SLU7: variants seen among roughly 807,000 people sequenced by gnomAD.
SLU7 encodes the protein spliceosome associated SLU7, also known as pre-mRNA-splicing factor SLU7.
A neutral mutation model predicts 87.0 loss-of-function variants in SLU7; 60 were observed. The ratio of observed to expected loss-of-function variants is 0.69; its 90% confidence interval spans 0.56 to 0.86. The LOEUF (loss-of-function observed/expected upper bound fraction) is 0.86, where lower values mean the gene tolerates loss of function less well. Among genes scored for constraint, SLU7 ranks in the 40% least tolerant of loss-of-function variants. The pLI, the probability that SLU7 is intolerant of heterozygous loss-of-function variation, is 0.00. For synonymous variants in SLU7, 197 were observed against 222.0 expected, an observed-to-expected ratio of 0.89 and a Z score of 1.00; for missense variants, 507 against 686.6, an observed-to-expected ratio of 0.74 and a Z score of 2.92.
At chr5:160,404,983 G>A in intron 13 of SLU7, 48 bp downstream of exon 13, 1 of 1,544,150 alleles carries the variant, frequency 6.5e-7, no homozygotes, top group Non-Finnish European at 9.0e-7. Context: ...GTTTGACTTA[G>A]GAGCTTCGGT....
Position 160,415,155 on chromosome 5 carries a change from T to C in SLU7, c.140A>G (p.Asn47Ser). 6.2e-7 allele frequency: 1 copy of C among 1,609,500 alleles called. No individual in the cohort carries two copies. The highest frequency in any genetic ancestry group is 8.5e-7 in the Non-Finnish European group (1 of 1,178,256). Residue 47 changes from asparagine (N) to serine (S), a missense_variant, in exon 2 of 16, where the codon AAT becomes AGT. By Grantham distance (46) the Asn-to-Ser change is conservative. This residue lies in a region of SLU7 where 26 missense variants were observed against 78.9 expected (regional missense o/e 0.33). Transcript: ENST00000297151. ...KELEEQRKLG[N>S]APAEVDEEGK... ...TTCTTCATCAACTTCTGCAGGAGCATTGCCCAATTTTCGCTGTTCTTCTAG... is the reference window on the plus strand; with the variant it reads ...TTCTTCATCAACTTCTGCAGGAGCACTGCCCAATTTTCGCTGTTCTTCTAG...
At chr5:160,412,316 G>C (rs982256544) in intron 6 of SLU7, 135 bp downstream of exon 6, 1 of 616,646 alleles carries the variant, frequency 1.6e-6, no homozygotes, top group Non-Finnish European at 2.8e-6. Context: ...TGTATACAAA[G>C]TATCAGTTTT....
chr5:160,411,469 T>C (rs1393971839), intron 6 of SLU7, among the ~76,000 whole-genome samples: 1 of 152,202 alleles, frequency 6.6e-6, no homozygotes, highest in African/African-American at 2.4e-5. Flanking sequence ...TCCACCTGCC[T>C]CGGCCTCCCA....
intron 15 of SLU7, 36 bp downstream of exon 15, chr5:160,404,404 A>C (rs978489500): frequency 1.4e-5 from 17 of 1,246,926 alleles, no homozygotes; most frequent in Admixed American, 1.9e-5. Flanking sequence ...GAATACTGCT[A>C]CTTGTCACTT....
chr5:160,413,006 C>G (rs1308671571), intron 5 of SLU7, among the ~76,000 whole-genome samples: 1 of 151,922 alleles, frequency 6.6e-6, no homozygotes, highest in African/African-American at 2.4e-5. Context: ...CAAATCATAA[C>G]AGTAAAAACT....
At position 160,405,212 on chromosome 5, in the gene SLU7, A is replaced by G. The variant is rs57250755; in HGVS notation, c.1288-77T>C. On this transcript the variant is annotated intron_variant, in intron 12 of 15. Coordinates refer to ENST00000297151, the MANE Select transcript of SLU7 (RefSeq NM_006425.5). ...TCTGTATACTGTTGATAAGAGTATA[A>G]AATAATACAGCCCATTAAAGGTAAT... The G allele has an allele frequency of 5.1e-3, 5,017 of 984,022 alleles. 134 individuals are homozygous for G. In the African/African-American group the frequency reaches 0.069, roughly 13 times the overall value. 61.0% of individuals were successfully genotyped at this position (984,022 alleles called of 1,614,324 possible).
chr5:160,413,931 C>T lies in SLU7; in HGVS notation c.373G>A (p.Ala125Thr). 6.2e-7 allele frequency: 1 copy of T among 1,601,934 alleles called. No homozygotes were observed. Among genetic ancestry groups the T allele is most frequent in the Non-Finnish European group, 8.5e-7 (1 of 1,175,442 alleles). The change falls in exon 4 of 16, where the codon GCC becomes ACC. Residue 125 changes from alanine (A) to threonine (T), a missense_variant. By Grantham distance (58) the Ala-to-Thr change is moderately conservative (BLOSUM62 0). This residue lies in a region of SLU7 where 155 missense variants were observed against 154.4 expected (regional missense o/e 1.00). Coordinates refer to ENST00000297151, the MANE Select transcript of SLU7 (RefSeq NM_006425.5). ...YRKGACENCG[A>T]MTHKKKDCFE... The stretch of plus-strand genomic sequence containing the variant: ...CAGTCTTTCTTTTTGTGTGTCATGG[C>T]CCCACAATTTTCACATGCTCCTTTG...
At chr5:160,408,576 T>G in intron 7 of SLU7, 74 bp downstream of exon 7, 1 of 1,383,558 alleles carries the variant, frequency 7.2e-7, no homozygotes, top group Non-Finnish European at 1.0e-6. Flanking sequence ...AAAGCTATTA[T>G]TAGTGTTATT....
At position 160,406,472 on chromosome 5, in the gene SLU7, T is replaced by G; in HGVS notation, c.1283A>C (p.His428Pro). The change falls in exon 12 of 16, where the codon CAC becomes CCC. Residue 428 changes from histidine (H) to proline (P), a missense_variant. Around this residue, in one of 6 missense-constraint regions of SLU7, gnomAD observed 201 missense variants for 213.4 expected, o/e 0.94. Transcript: ENST00000297151. ...TTGTTCCAGTTTAGCACATACTGTG[T>G]GATTGTGGATCTTCACATCCTCCTC... is the stretch of plus-strand genomic sequence containing the variant. ...KYEEDVKIHNHTHIWGSYWKE... is the reference protein window; with the variant it reads ...KYEEDVKIHNPTHIWGSYWKE... 1 of 1,607,322 alleles carries G rather than the reference T, an allele frequency of 6.2e-7. No individual in the cohort carries two copies. The highest frequency in any genetic ancestry group is 8.5e-7 in the Non-Finnish European group (1 of 1,177,776).
At chr5:160,417,178 G>A (rs914778723) in intron 1 of SLU7, 1 of 152,108 alleles carries the variant, frequency 6.6e-6, no homozygotes, top group African/African-American at 2.4e-5. Flanking sequence ...TTAATACAAT[G>A]TCCTACTGCC....
Position 160,412,523 on chromosome 5 carries a change from T to TAAAAGA in SLU7, c.571-5_571-4insTCTTTT. ...GGGCTTTCAATGTTCGTTTTGCCTT[T>TAAAAGA]AAAAAAAAAAAAAAGAAAGAAAGAA... is the stretch of plus-strand genomic sequence containing the variant. On this transcript the variant is annotated splice_polypyrimidine_tract_variant and splice_region_variant and intron_variant, in intron 5 of 15. Coordinates refer to ENST00000297151, the MANE Select transcript of SLU7 (RefSeq NM_006425.5). 1.2e-6 allele frequency: 1 copy of TAAAAGA among 826,882 alleles called. No individual in the cohort carries two copies. Among genetic ancestry groups the TAAAAGA allele is most frequent in the Non-Finnish European group, 1.7e-6 (1 of 596,894 alleles). 51.2% of individuals were successfully genotyped at this position (826,882 alleles called of 1,614,324 possible). A position where few individuals can be genotyped will look rare whatever the true frequency, so the allele number is the denominator to read the frequency against.
In SLU7 at chr5:160,413,063, T is replaced by C. The variant is rs1323465532; in HGVS notation, c.570+393A>G. On this transcript the variant is annotated intron_variant, in intron 5 of 15. Transcript: ENST00000297151. ...AAAATTTTCTGAAACAAATTATCCA[T>C]TCCCTTTCTACTACTCCCAAATGCT... Among the ~76,000 whole-genome samples, 3 of 152,302 alleles carry C rather than the reference T, an allele frequency of 2.0e-5. No individual in the cohort carries two copies. The East Asian group carries it at 5.8e-4, about 29-fold the overall frequency.
At chr5:160,403,554 T>C in intron 15 of SLU7, 90 bp from the exon 16 acceptor site, 1 of 1,134,818 alleles carries the variant, frequency 8.8e-7, no homozygotes, top group Non-Finnish European at 1.2e-6. Context: ...CCCCACTGAA[T>C]ATGAACTGCT....
chr5:160,403,398 G>T lies in SLU7; in HGVS notation c.1648C>A (p.Arg550=). The part of the protein sequence containing the change: ...KETMQIDERK[R]PYNSMYETRE... The stretch of plus-strand genomic sequence containing the variant: ...GTTTCATACATGCTATTGTAAGGCC[G>T]CTTCCTCTCATCAATCTGCATGGTC... Residue 550 remains arginine, a synonymous_variant, in exon 16 of 16, where the codon CGG becomes AGG. Transcript: ENST00000297151. 6.2e-7 allele frequency: 1 copy of T among 1,613,060 alleles called. No individual in the cohort carries two copies. Among genetic ancestry groups the T allele is most frequent in the East Asian group, 2.2e-5 (1 of 44,786 alleles).
rs774650146 is a variant in SLU7, at chr5:160,408,603, A to C, written c.687+47T>G. ...AGTGTTATTTATTATTAGCCATCAG[A>C]AATTTAAAAATTTAACATATACTCA... is the stretch of plus-strand genomic sequence containing the variant. On this transcript the variant is annotated intron_variant, in intron 7 of 15. Transcript: ENST00000297151. 17 of 1,416,088 alleles carry C rather than the reference A, an allele frequency of 1.2e-5. No homozygotes were observed. The African/African-American group carries it at 2.0e-4, about 17-fold the overall frequency. 87.7% of individuals were successfully genotyped at this position (1,416,088 alleles called of 1,614,324 possible).
intron 6 of SLU7, among the ~76,000 whole-genome samples, chr5:160,409,330 ACTTT>A (rs1765139328): frequency 6.9e-6 from 1 of 145,246 alleles, no homozygotes; most frequent in Non-Finnish European, 1.5e-5. Flanking sequence ...TGGTCAGAAT[ACTTT>A]CTAACTCCAC....
chr5:160,416,219 T>C (rs1765449825), intron 1 of SLU7, among the ~76,000 whole-genome samples: 1 of 152,086 alleles, frequency 6.6e-6, no homozygotes, highest in South Asian at 2.1e-4. Flanking sequence ...GTACCTCTCT[T>C]GTCATCAAAT....
At chr5:160,409,657 T>C (rs1765152723) in intron 6 of SLU7, among the ~76,000 whole-genome samples, 2 of 152,186 alleles carry the variant, frequency 1.3e-5, no homozygotes, top group African/African-American at 4.8e-5. Flanking sequence ...GTGCAATGTT[T>C]TTTCAAAACA....
chr5:160,407,840 T>A lies in SLU7; in HGVS notation c.918-27A>T. 1 of 1,581,022 alleles carries A rather than the reference T, an allele frequency of 6.3e-7. No individual in the cohort carries two copies. Among genetic ancestry groups the A allele is most frequent in the African/African-American group, 1.3e-5 (1 of 74,264 alleles). ...TGTAAATACAAATAAAGAAAATGTTTCAGAGATTGATTTAAGGAAAATTAA... is the reference window on the plus strand; with the variant it reads ...TGTAAATACAAATAAAGAAAATGTTACAGAGATTGATTTAAGGAAAATTAA... On this transcript the variant is annotated intron_variant, in intron 9 of 15. Transcript: ENST00000297151. This position sits in a 1 kb window ranked among gnomAD's most constrained non-coding sequence, Gnocchi z 4.2.
Sources: gnomAD v4.1 joint callset for allele counts (sites outside exome capture counted in the v4.1 genomes callset) on GRCh38, gnomAD v4.1.1 for gene constraint, gnomAD v4.1.1 regional missense constraint, Gnocchi (gnomAD v3.1) non-coding constraint, MANE v1.5 for transcripts, NCBI Gene and HGNC (gene_info 2026-07-23, HGNC 2026-07-21) for gene names.